The following ATP6V1B1 variants were observed in gnomAD, a reference collection of about 807,000 sequenced individuals.
The protein encoded by ATP6V1B1 is V-type proton ATPase subunit B, kidney isoform.
A neutral mutation model predicts 62.1 loss-of-function variants in ATP6V1B1; 41 were observed. That is an observed-to-expected ratio of 0.66 (90% confidence interval 0.51 to 0.86). The LOEUF (loss-of-function observed/expected upper bound fraction) is 0.86. Among genes scored for constraint, ATP6V1B1 ranks in the 40% least tolerant of loss-of-function variants. ATP6V1B1 has a pLI of 0.00. For missense variants in ATP6V1B1, 651 were observed against 697.5 expected, an observed-to-expected ratio of 0.93 and a Z score of 0.75; for synonymous variants, 253 against 273.4, an observed-to-expected ratio of 0.93 and a Z score of 0.74.
intron 1 of ATP6V1B1, chr2:70,939,459 C>G (rs1379491925): frequency 6.6e-6 from 1 of 152,312 alleles, no homozygotes; most frequent in Non-Finnish European, 1.5e-5. Flanking sequence ...GGGCCATAAT[C>G]GCTGAGCGCT....
chr2:70,941,870 A>T (rs1256371371), intron 1 of ATP6V1B1: 53 of 986,304 alleles, frequency 5.4e-5, no homozygotes, highest in Non-Finnish European at 5.9e-5. Context: ...GAAGCTTCCA[A>T]AGGACAGTGC....
intron 1 of ATP6V1B1, chr2:70,941,080 C>A: frequency 2.2e-6 from 1 of 464,620 alleles, no homozygotes; most frequent in Non-Finnish European, 2.8e-6. Context: ...CCATGCCCAG[C>A]TAATTTTTAA....
intron 2 of ATP6V1B1, among the ~76,000 whole-genome samples, chr2:70,946,284 C>G (rs1181527158): frequency 6.6e-6 from 1 of 152,186 alleles, no homozygotes; most frequent in Non-Finnish European, 1.5e-5. Context: ...TACCACTTGA[C>G]CCCCCAGTGT....
Position 70,963,075 on chromosome 2 carries a change from C to T in ATP6V1B1, c.910-87C>T. 6.2e-7 allele frequency: 1 copy of T among 1,605,432 alleles called. No individual in the cohort carries two copies. Among genetic ancestry groups the T allele is most frequent in the Non-Finnish European group, 8.5e-7 (1 of 1,174,506 alleles). ...TCCTCCCCTGCCCCCCACTCCATTTCTCACAGGGTCACTGAACCTCCCACC... is the reference window on the plus strand; with the variant it reads ...TCCTCCCCTGCCCCCCACTCCATTTTTCACAGGGTCACTGAACCTCCCACC... On this transcript the variant is annotated intron_variant, in intron 9 of 13. Transcript: ENST00000234396. The surrounding 1 kb of genome is among the most constrained non-coding windows in gnomAD (Gnocchi z 4.3).
At chr2:70,944,700 A>C (rs1485680608) in intron 2 of ATP6V1B1, among the ~76,000 whole-genome samples, 2 of 125,558 alleles carry the variant, frequency 1.6e-5, no homozygotes, top group Admixed American at 9.2e-5. Context: ...ACGGAGTCTC[A>C]CTCTGTCCCC....
In ATP6V1B1 at chr2:70,962,781, G is replaced by C. The variant is rs200839517; in HGVS notation, c.790G>C (p.Glu264Gln). The C allele has an allele frequency of 3.7e-5, 59 of 1,613,778 alleles. No individual in the cohort carries two copies. The highest frequency in any genetic ancestry group is 4.6e-5 in the Non-Finnish European group (54 of 1,180,002). Residue 264 changes from glutamate (E) to glutamine (Q), a missense_variant, in exon 9 of 14, where the codon GAG becomes CAG. Physicochemically the swap from Glu to Gln is conservative, Grantham distance 29. Coordinates refer to ENST00000234396, the MANE Select transcript of ATP6V1B1 (RefSeq NM_001692.4). ...FLNLANDPTI[E>Q]RIITPRLALT... ...AACACCTGGCTACACCTCCAGGATC[G>C]AGCGGATCATCACCCCGCGCCTGGC...
Position 70,965,278 on chromosome 2 carries a change from C to G in ATP6V1B1, c.*157C>G. On this transcript the variant is annotated 3_prime_UTR_variant, in exon 14 of 14. Coordinates refer to ENST00000234396, the MANE Select transcript of ATP6V1B1 (RefSeq NM_001692.4). ...CGCCGCACGCTCCATCCCTTTCCCT[C>G]GCTCGATTCCTTTTCCCGCGCTCCA... is the stretch of plus-strand genomic sequence containing the variant. 1.9e-6 allele frequency: 2 copies of G among 1,059,466 alleles called. No individual in the cohort carries two copies. The highest frequency in any genetic ancestry group is 3.1e-5 in the South Asian group (2 of 64,046). The allele number at this position is 1,059,466 out of a possible 1,614,324, so 65.6% of individuals were successfully genotyped here.
chr2:70,949,516 G>T (rs1553417949), intron 2 of ATP6V1B1, among the ~76,000 whole-genome samples: 1 of 152,156 alleles, frequency 6.6e-6, no homozygotes, highest in Non-Finnish European at 1.5e-5. Context: ...GCCCAGAAGG[G>T]TTGTGGTAAT....
chr2:70,948,769 C>T (rs1311183738), intron 2 of ATP6V1B1, among the ~76,000 whole-genome samples: 1 of 152,170 alleles, frequency 6.6e-6, no homozygotes, highest in Non-Finnish European at 1.5e-5. Flanking sequence ...ACCTTCCTGG[C>T]ATCCTCTTCA....
At chr2:70,957,382 G>A (rs187957872) in intron 2 of ATP6V1B1, among the ~76,000 whole-genome samples, 27 of 152,210 alleles carry the variant, frequency 1.8e-4, no homozygotes, top group African/African-American at 5.5e-4. Context: ...TTACAGGCAT[G>A]AGCCACCACA....
intron 2 of ATP6V1B1, among the ~76,000 whole-genome samples, chr2:70,953,253 A>G (rs1553418559): frequency 6.6e-6 from 1 of 152,218 alleles, no homozygotes; most frequent in Non-Finnish European, 1.5e-5. Flanking sequence ...GGTGTGAGCC[A>G]CTACACCCAG....
chr2:70,944,683 T>C (rs1359975886), intron 2 of ATP6V1B1, among the ~76,000 whole-genome samples: 1 of 149,886 alleles, frequency 6.7e-6, no homozygotes. Flanking sequence ...TTTTTTTTTT[T>C]TTTGAGACGG....
At chr2:70,943,834 C>T in intron 2 of ATP6V1B1, 121 bp downstream of exon 2, 1 of 1,401,984 alleles carries the variant, frequency 7.1e-7, no homozygotes, top group East Asian at 2.4e-5. Flanking sequence ...CTGCTCTGTT[C>T]TCTCCATCCA....
chr2:70,937,735 T>C (rs1410171114), intron 1 of ATP6V1B1, among the ~76,000 whole-genome samples: 1 of 151,850 alleles, frequency 6.6e-6, no homozygotes, highest in Non-Finnish European at 1.5e-5. Context: ...CTGCTTTCCT[T>C]CTTCCTGGAA....
Position 70,936,050 on chromosome 2 carries a change from C to T in ATP6V1B1, c.96C>T (p.Asn32=), listed in dbSNP as rs2104795415. The change falls in exon 1 of 14, where the codon AAC becomes AAT. Residue 32 remains asparagine, a synonymous_variant. Transcript: ENST00000234396. ...AREHMQAVTR[N]YITHPRVTYR... ...AACACATGCAGGCGGTCACCCGAAACTACATCACCCACCCCCGTGTCAGTG... is the reference window on the plus strand; with the variant it reads ...AACACATGCAGGCGGTCACCCGAAATTACATCACCCACCCCCGTGTCAGTG... The T allele has an allele frequency of 3.1e-6, 5 of 1,614,074 alleles. No individual in the cohort carries two copies. The highest frequency in any genetic ancestry group is 4.2e-6 in the Non-Finnish European group (5 of 1,179,964).
At chr2:70,950,700 C>G (rs555465202) in intron 2 of ATP6V1B1, among the ~76,000 whole-genome samples, 3 of 152,056 alleles carry the variant, frequency 2.0e-5, no homozygotes, top group Non-Finnish European at 4.4e-5. Context: ...ACCAGAACCT[C>G]TTGAGTCTTT....
chr2:70,938,246 G>GA (rs1254122243), intron 1 of ATP6V1B1, among the ~76,000 whole-genome samples: 1 of 152,154 alleles, frequency 6.6e-6, no homozygotes, highest in African/African-American at 2.4e-5. Flanking sequence ...CAGGCTCTGG[G>GA]AGTGGGAGGG....
chr2:70,962,861 A>G lies in ATP6V1B1; in HGVS notation c.870A>G (p.Ile290Met), dbSNP rs1680624353. ...AYQCEKHVLV[I>M]LTDMSSYAEA... The stretch of plus-strand genomic sequence containing the variant: ...AGTGTGAGAAGCATGTGCTGGTCAT[A>G]CTGACGGACATGAGTTCCTATGCAG... The change falls in exon 9 of 14, where the codon ATA (isoleucine) becomes ATG (methionine). Residue 290 changes from isoleucine (I) to methionine (M), a missense_variant. Ile to Met is a conservative substitution (Grantham distance 10, BLOSUM62 1). Transcript: ENST00000234396. 6.2e-7 allele frequency: 1 copy of G among 1,614,038 alleles called. No individual in the cohort carries two copies. Among genetic ancestry groups the G allele is most frequent in the African/African-American group, 1.3e-5 (1 of 74,912 alleles).
chr2:70,964,020 C>T (rs1041979261), intron 11 of ATP6V1B1: 19 of 420,648 alleles, frequency 4.5e-5, no homozygotes, highest in Middle Eastern at 1.4e-3. Context: ...TTATTTGCTT[C>T]GGTGGGCAGA....
Sources: gnomAD v4.1 joint callset for allele counts (sites outside exome capture counted in the v4.1 genomes callset) on GRCh38, gnomAD v4.1.1 for gene constraint, Gnocchi (gnomAD v3.1) non-coding constraint, MANE v1.5 for transcripts, NCBI Gene and HGNC (gene_info 2026-07-23, HGNC 2026-07-21) for gene names.